CORIN: variants seen among roughly 807,000 people sequenced by gnomAD.
The protein encoded by CORIN is corin, serine peptidase, also known as atrial natriuretic peptide-converting enzyme.
Under a neutral mutation model 125.3 loss-of-function variants are expected in CORIN, and 117 were observed. The observed-to-expected ratio is 0.93, with a 90% CI of 0.80 to 1.09. CORIN has a LOEUF of 1.09. Among genes scored for constraint, CORIN ranks in the 50% least tolerant of loss-of-function variants. CORIN has a pLI of 0.00. For missense variants in CORIN, 1,253 were observed against 1,306.7 expected, an observed-to-expected ratio of 0.96 and a Z score of 0.63; for synonymous variants, 450 against 466.4, an observed-to-expected ratio of 0.96 and a Z score of 0.45.
chr4:47,598,440 C>T (rs137964672), intron 21 of CORIN, among the ~76,000 whole-genome samples: 8 of 152,206 alleles, frequency 5.3e-5, no homozygotes, highest in East Asian at 3.9e-4. Flanking sequence ...CTAAAGAAGT[C>T]GGCAAGACCT....
chr4:47,774,092 G>C (rs1730180368), intron 3 of CORIN, among the ~76,000 whole-genome samples: 1 of 152,064 alleles, frequency 6.6e-6, no homozygotes, highest in African/African-American at 2.4e-5. Flanking sequence ...TTCCTTAAAA[G>C]TGTGATAAAA....
At chr4:47,726,466 G>A (rs1304440611) in intron 5 of CORIN, among the ~76,000 whole-genome samples, 1 of 152,088 alleles carries the variant, frequency 6.6e-6, no homozygotes, top group Non-Finnish European at 1.5e-5. Flanking sequence ...TATACTGTAT[G>A]ATTCCATGTG....
chr4:47,674,910 C>G (rs1269696905), intron 9 of CORIN, among the ~76,000 whole-genome samples: 1 of 152,146 alleles, frequency 6.6e-6, no homozygotes, highest in Non-Finnish European at 1.5e-5. Context: ...CATTTGCTCC[C>G]AATTCTAGTC....
chr4:47,824,807 G>C (rs895415383), intron 1 of CORIN, among the ~76,000 whole-genome samples: 1 of 152,180 alleles, frequency 6.6e-6, no homozygotes, highest in African/African-American at 2.4e-5. Flanking sequence ...AAACTCTCAA[G>C]TTTGTCCTAA....
At chr4:47,759,538 C>T (rs1221807063) in intron 4 of CORIN, among the ~76,000 whole-genome samples, 1 of 151,910 alleles carries the variant, frequency 6.6e-6, no homozygotes, top group Non-Finnish European at 1.5e-5. Flanking sequence ...CACCTGATGA[C>T]AAAATGATCA....
intron 16 of CORIN, among the ~76,000 whole-genome samples, chr4:47,628,459 T>C (rs922180703): frequency 5.9e-5 from 9 of 151,964 alleles, no homozygotes; most frequent in Admixed American, 3.9e-4. Context: ...TGTGTGTGTG[T>C]GTGTGTGTGT....
rs374108921 is a variant in CORIN at position 47,661,611 on chromosome 4, A to AAAAC, written c.1735+96_1735+99dup. The stretch of plus-strand genomic sequence containing the variant: ...AGCAGCCTGATTGGAAACTAAATAG[A>AAAAC]AAACAAACAAACAAGAAGCCATAAA... On this transcript the variant is annotated intron_variant, in intron 12 of 21. Transcript: ENST00000273857. 746 of 1,141,964 alleles carry AAAAC rather than the reference A, an allele frequency of 6.5e-4. 4 individuals are homozygous for AAAAC. In the East Asian group the frequency reaches 0.012, roughly 18 times the overall value. 70.7% of individuals were successfully genotyped at this position (1,141,964 alleles called of 1,614,324 possible).
At chr4:47,728,048 T>A (rs558568887) in intron 5 of CORIN, among the ~76,000 whole-genome samples, 1 of 152,120 alleles carries the variant, frequency 6.6e-6, no homozygotes, top group Non-Finnish European at 1.5e-5. Context: ...AACATATGGA[T>A]AGAGCAGGTG....
chr4:47,704,052 A>C (rs1726434483), intron 5 of CORIN, among the ~76,000 whole-genome samples: 1 of 152,198 alleles, frequency 6.6e-6, no homozygotes, highest in Admixed American at 6.5e-5. Context: ...GTGTCCTGTT[A>C]AATGATTTAC....
intron 19 of CORIN, among the ~76,000 whole-genome samples, chr4:47,621,022 G>A (rs562423417): frequency 6.6e-5 from 10 of 151,942 alleles, no homozygotes; most frequent in South Asian, 4.2e-4. Flanking sequence ...TTTTTGCCTC[G>A]AATTTTTGCT....
chr4:47,637,682 T>A (rs1723080256), intron 16 of CORIN, among the ~76,000 whole-genome samples: 1 of 152,236 alleles, frequency 6.6e-6, no homozygotes, highest in Admixed American at 6.5e-5. Flanking sequence ...TTTGGGAACC[T>A]CTGCCTAGAT....
At chr4:47,639,235 CAAGAT>C (rs748008457) in intron 16 of CORIN, among the ~76,000 whole-genome samples, 3 of 152,158 alleles carry the variant, frequency 2.0e-5, no homozygotes, top group Non-Finnish European at 4.4e-5. Flanking sequence ...TTTATACTAT[CAAGAT>C]AAGATTAAAG....
intron 4 of CORIN, among the ~76,000 whole-genome samples, chr4:47,754,728 T>C (rs1729057924): frequency 6.6e-6 from 1 of 152,084 alleles, no homozygotes; most frequent in Non-Finnish European, 1.5e-5. Context: ...AAACTGAGAT[T>C]TGCACTGAAG....
intron 10 of CORIN, among the ~76,000 whole-genome samples, chr4:47,671,158 A>C (rs544763817): frequency 2.0e-5 from 3 of 152,236 alleles, no homozygotes; most frequent in Non-Finnish European, 4.4e-5. Flanking sequence ...GAATTAAAAA[A>C]TACTGATGAC....
chr4:47,636,280 T>C (rs1315963081), intron 16 of CORIN, among the ~76,000 whole-genome samples: 1 of 152,182 alleles, frequency 6.6e-6, no homozygotes, highest in Non-Finnish European at 1.5e-5. Flanking sequence ...TAGATAAAGC[T>C]TGTGGAGCCC....
rs1460120276 is a variant in CORIN, at chr4:47,594,724, A to T, written c.*997T>A. On this transcript the variant is annotated 3_prime_UTR_variant, in exon 22 of 22. Transcript: ENST00000273857. ...AGGGATGCAAATTAATTTTCTTTTT[A>T]AAAAATTGCATCTCTCATCTAAATT... 2.0e-5 allele frequency: 3 copies of T among 152,176 alleles called. No individual in the cohort carries two copies. The highest frequency in any genetic ancestry group is 4.4e-5 in the Non-Finnish European group (3 of 68,012). The allele number at this position is 152,176 out of a possible 1,614,324, so 9.4% of individuals were successfully genotyped here.
intron 3 of CORIN, among the ~76,000 whole-genome samples, chr4:47,764,558 C>T (rs1018677507): frequency 6.6e-6 from 1 of 152,164 alleles, no homozygotes; most frequent in Non-Finnish European, 1.5e-5. Context: ...TTTCAAGACC[C>T]AGTTACATGA....
At chr4:47,628,399 C>A (rs77823523) in intron 16 of CORIN, among the ~76,000 whole-genome samples, 46 of 151,938 alleles carry the variant, frequency 3.0e-4, no homozygotes, top group Non-Finnish European at 5.6e-4. Context: ...ATGGCTACCA[C>A]AATCAAGCTA....
At chr4:47,741,372 C>A (rs2109832408) in intron 5 of CORIN, among the ~76,000 whole-genome samples, 1 of 152,136 alleles carries the variant, frequency 6.6e-6, no homozygotes, top group South Asian at 2.1e-4. Flanking sequence ...AACTGCAAAT[C>A]AAAACCACAA....
Sources: gnomAD v4.1 joint callset for allele counts (sites outside exome capture counted in the v4.1 genomes callset) on GRCh38, gnomAD v4.1.1 for gene constraint, MANE v1.5 for transcripts, NCBI Gene and HGNC (gene_info 2026-07-23, HGNC 2026-07-21) for gene names.